The following NELL2 variants were observed in gnomAD, a reference collection of about 807,000 sequenced individuals.
NELL2 encodes the protein neural EGFL like 2.
NELL2 carries 41 observed loss-of-function variants against 109.6 expected under a neutral mutation model. The observed-to-expected ratio is 0.37, with a 90% CI of 0.29 to 0.49. The LOEUF (loss-of-function observed/expected upper bound fraction) is 0.49, where lower values mean the gene tolerates loss of function less well. NELL2 is among the 20% of genes least tolerant of loss of function. NELL2 has a pLI of 0.98. For synonymous variants in NELL2, 355 were observed against 344.7 expected (o/e 1.03, Z -0.33); for missense variants, 900 against 1,008.3 (o/e 0.89, Z 1.45).
At chr12:44,737,977 A>T (rs556031653) in intron 9 of NELL2, among the ~76,000 whole-genome samples, 128 of 152,212 alleles carry the variant, frequency 8.4e-4, no homozygotes, top group Non-Finnish European at 1.7e-3. Context: ...AGTCACAGAA[A>T]CTAGTTGGTA....
intron 12 of NELL2, among the ~76,000 whole-genome samples, chr12:44,701,030 T>C (rs1949211268): frequency 6.6e-6 from 1 of 152,134 alleles, no homozygotes; most frequent in Non-Finnish European, 1.5e-5. Context: ...AATGGCTTGC[T>C]TATTTTTATG....
chr12:44,890,151 A>G (rs1253466502), intron 1 of NELL2, among the ~76,000 whole-genome samples: 1 of 152,178 alleles, frequency 6.6e-6, no homozygotes, highest in African/African-American at 2.4e-5. Flanking sequence ...GCCTCCCTCT[A>G]TCTCCAGCTT....
chr12:44,770,815 C>T lies in NELL2; in HGVS notation c.994+3932G>A, dbSNP rs560949613. ...CATCAGTTCAGATTTGCCTCAGATT[C>T]CCTATTCTCATGAACCGCCTTTCCT... On this transcript the variant is annotated intron_variant, in intron 9 of 19. Coordinates refer to ENST00000429094, the MANE Select transcript of NELL2 (RefSeq NM_001145108.2). Among the ~76,000 whole-genome samples, 18 of 152,238 alleles carry T rather than the reference C, an allele frequency of 1.2e-4. No homozygotes were observed. The East Asian group carries it at 2.9e-3, about 24-fold the overall frequency.
chr12:44,810,646 C>T (rs1220299501), intron 3 of NELL2, among the ~76,000 whole-genome samples: 1 of 152,112 alleles, frequency 6.6e-6, no homozygotes, highest in Non-Finnish European at 1.5e-5. Context: ...CACAAAATTT[C>T]AGCCCCTAAA....
intron 1 of NELL2, among the ~76,000 whole-genome samples, chr12:44,898,534 C>T (rs1229789424): frequency 6.6e-6 from 1 of 152,112 alleles, no homozygotes; most frequent in African/African-American, 2.4e-5. Flanking sequence ...AGAAGGAAAA[C>T]CAACAAACAG....
At chr12:44,903,123 G>T (rs753651014) in intron 1 of NELL2, among the ~76,000 whole-genome samples, 1 of 152,092 alleles carries the variant, frequency 6.6e-6, no homozygotes, top group Non-Finnish European at 1.5e-5. Flanking sequence ...TCTACAGAAT[G>T]GGAGAAAATT....
At chr12:44,921,618 C>T (rs954225744) in intron 1 of NELL2, among the ~76,000 whole-genome samples, 4 of 152,056 alleles carry the variant, frequency 2.6e-5, no homozygotes, top group South Asian at 2.1e-4. Context: ...ATAAGTATTA[C>T]GTAAGGGTCA....
At chr12:44,783,810 T>C (rs920536963) in intron 3 of NELL2, among the ~76,000 whole-genome samples, 1 of 152,050 alleles carries the variant, frequency 6.6e-6, no homozygotes, top group Non-Finnish European at 1.5e-5. Flanking sequence ...GAAAAACTAC[T>C]AAATTCATTT....
At chr12:44,778,633 G>C (rs888022044) in intron 5 of NELL2, among the ~76,000 whole-genome samples, 3 of 152,100 alleles carry the variant, frequency 2.0e-5, no homozygotes, top group Non-Finnish European at 4.4e-5. Flanking sequence ...CCTTACCTGG[G>C]AAAAGCGCAT....
intron 3 of NELL2, among the ~76,000 whole-genome samples, chr12:44,804,729 A>G (rs1942944104): frequency 6.6e-6 from 1 of 151,920 alleles, no homozygotes; most frequent in Non-Finnish European, 1.5e-5. Flanking sequence ...ATTTATTACA[A>G]CAATCCTTCA....
intron 2 of NELL2, among the ~76,000 whole-genome samples, chr12:44,845,604 A>G (rs1444701983): frequency 1.3e-5 from 2 of 152,194 alleles, no homozygotes; most frequent in Middle Eastern, 3.2e-3. Context: ...AGCTGGGGTG[A>G]AAGGCAGTCC....
intron 9 of NELL2, among the ~76,000 whole-genome samples, chr12:44,742,425 C>T (rs1243227230): frequency 1.3e-5 from 2 of 152,222 alleles, no homozygotes; most frequent in South Asian, 2.1e-4. Flanking sequence ...AGGAACGCAG[C>T]TCCTCACCAG....
chr12:44,797,497 T>C (rs957892225), intron 3 of NELL2, among the ~76,000 whole-genome samples: 1 of 151,922 alleles, frequency 6.6e-6, no homozygotes, highest in Non-Finnish European at 1.5e-5. Flanking sequence ...TTCTGAATAA[T>C]AGGAAATAAA....
chr12:44,779,369 A>T (rs564475607), intron 5 of NELL2, among the ~76,000 whole-genome samples: 2 of 152,190 alleles, frequency 1.3e-5, no homozygotes, highest in Non-Finnish European at 2.9e-5. Flanking sequence ...TTTGTATGTT[A>T]ACATTTTAGA....
At chr12:44,889,043 G>A (rs1308277006) in intron 1 of NELL2, among the ~76,000 whole-genome samples, 3 of 151,886 alleles carry the variant, frequency 2.0e-5, no homozygotes, top group Non-Finnish European at 4.4e-5. Flanking sequence ...GGACTGCTGG[G>A]GGTCAAGTCT....
intron 19 of NELL2, among the ~76,000 whole-genome samples, chr12:44,515,088 T>C (rs1410121248): frequency 6.6e-6 from 1 of 151,742 alleles, no homozygotes; most frequent in Non-Finnish European, 1.5e-5. Flanking sequence ...GTATAAAATA[T>C]AGATAGGACA....
Position 44,739,513 on chromosome 12 carries a change from T to C in NELL2, c.995-24772A>G, listed in dbSNP as rs149912433. Among the ~76,000 whole-genome samples, 173 of 152,288 alleles carry C rather than the reference T, an allele frequency of 1.1e-3. 1 individual carries two copies. Among genetic ancestry groups the C allele is most frequent in the African/African-American group, 3.8e-3 (158 of 41,562 alleles). ...GCTTGTGGCTAAGAATAGCTCCATA[T>C]CTTAAAATGGTTGGAAAAAATTAAA... On this transcript the variant is annotated intron_variant, in intron 9 of 19. Transcript: ENST00000429094.
intron 13 of NELL2, among the ~76,000 whole-genome samples, chr12:44,644,862 T>C: frequency 6.6e-6 from 1 of 151,462 alleles, no homozygotes; most frequent in South Asian, 2.1e-4. Context: ...CCTTGTTTTG[T>C]GGGTGTACAG....
rs1056713385 is a variant in NELL2, at chr12:44,851,557, T to C, written c.184+23668A>G. On this transcript the variant is annotated intron_variant, in intron 2 of 19. Coordinates refer to ENST00000429094, the MANE Select transcript of NELL2 (RefSeq NM_001145108.2). ...TAGCATCTTGCTTATGACTTTGCTGTCATTTTTACTACCAGTAATTTTTTT... is the reference window on the plus strand; with the variant it reads ...TAGCATCTTGCTTATGACTTTGCTGCCATTTTTACTACCAGTAATTTTTTT... The C allele has an allele frequency of 2.0e-5, 3 of 152,218 alleles. No individual in the cohort carries two copies. In the East Asian group the frequency reaches 5.8e-4, roughly 29 times the overall value. 9.4% of individuals were successfully genotyped at this position (152,218 alleles called of 1,614,324 possible).
Sources: allele counts gnomAD v4.1 joint callset (sites outside exome capture counted in the v4.1 genomes callset), GRCh38; gene constraint gnomAD v4.1.1; transcripts MANE v1.5; gene names NCBI Gene and HGNC (gene_info 2026-07-23, HGNC 2026-07-21).